GUCY2F: variants seen among roughly 807,000 people sequenced by gnomAD.
The protein encoded by GUCY2F is retinal guanylyl cyclase 2.
GUCY2F carries 61 observed loss-of-function variants against 73.1 expected under a neutral mutation model. The observed-to-expected ratio is 0.83, with a 90% CI of 0.68 to 1.03. The LOEUF (loss-of-function observed/expected upper bound fraction) is 1.03, where lower values mean the gene tolerates loss of function less well. Among genes scored for constraint, GUCY2F ranks in the 50% least tolerant of loss-of-function variants. The pLI is 0.00. For synonymous variants in GUCY2F, 331 were observed against 307.8 expected (o/e 1.08, Z -0.79); for missense variants, 912 against 854.3 (o/e 1.07, Z -0.84).
intron 9 of GUCY2F, among the ~76,000 whole-genome samples, chrX:109,406,067 G>A (rs1036477303): frequency 2.3e-4 from 26 of 111,551 alleles, no homozygotes; most frequent in African/African-American, 8.2e-4. Context: ...CAGTATGCAG[G>A]AAGCCCAAAA....
At chrX:109,385,982 A>G (rs753698312) in intron 15 of GUCY2F, among the ~76,000 whole-genome samples, 5 of 110,692 alleles carry the variant, frequency 4.5e-5, no homozygotes, top group African/African-American at 1.6e-4. Context: ...TTTTCCTAAA[A>G]AGAGATAGGG....
intron 16 of GUCY2F, among the ~76,000 whole-genome samples, chrX:109,384,099 C>T (rs748930518): frequency 8.9e-6 from 1 of 112,397 alleles, no homozygotes; most frequent in Non-Finnish European, 1.9e-5. Context: ...ATACTGCCTC[C>T]TTAATCATGG....
intron 7 of GUCY2F, among the ~76,000 whole-genome samples, chrX:109,435,535 A>G (rs201665368): frequency 0.045 from 4,953 of 110,026 alleles, 302 homozygotes; most frequent in African/African-American, 0.15. Context: ...GGGCTGAGAC[A>G]ATGGGGTTTT....
At chrX:109,453,323 G>A (rs1414561813) in intron 4 of GUCY2F, among the ~76,000 whole-genome samples, 182 bp downstream of exon 4, 1 of 111,620 alleles carries the variant, frequency 9.0e-6, no homozygotes, top group African/African-American at 3.3e-5. Context: ...AGGCTGCAAA[G>A]TACCTCTCAT....
intron 11 of GUCY2F, among the ~76,000 whole-genome samples, chrX:109,397,554 A>G (rs1930738764): frequency 8.9e-6 from 1 of 112,417 alleles, no homozygotes; most frequent in Non-Finnish European, 1.9e-5. Flanking sequence ...CTTACAGAAA[A>G]ATAGTACAAA....
intron 1 of GUCY2F, 77 bp from the exon 2 acceptor site, chrX:109,476,098 C>A (rs867321238): frequency 7.2e-4 from 203 of 281,267 alleles, no homozygotes; most frequent in South Asian, 1.2e-3. Context: ...GAAAGAATGG[C>A]AAAAAAAAAA....
chrX:109,379,001 T>TA (rs1281433502), intron 17 of GUCY2F, among the ~76,000 whole-genome samples: 1 of 111,903 alleles, frequency 8.9e-6, no homozygotes, highest in Non-Finnish European at 1.9e-5. Context: ...GATGAATGGA[T>TA]AAAAAAAATT....
At chrX:109,463,699 A>G (rs1239709584) in intron 3 of GUCY2F, among the ~76,000 whole-genome samples, 1 of 111,014 alleles carries the variant, frequency 9.0e-6, no homozygotes, top group Non-Finnish European at 1.9e-5. Flanking sequence ...AGCCTCCCAA[A>G]GTGCTGGGAT....
At chrX:109,442,063 T>A (rs902464998) in intron 6 of GUCY2F, among the ~76,000 whole-genome samples, 20 of 111,225 alleles carry the variant, frequency 1.8e-4, no homozygotes, top group African/African-American at 6.5e-4. Context: ...CACATGCCTA[T>A]ATATAATTTA....
At chrX:109,474,925 C>T (rs1056687045) in intron 2 of GUCY2F, among the ~76,000 whole-genome samples, 12 of 112,277 alleles carry the variant, frequency 1.1e-4, no homozygotes, top group African/African-American at 3.2e-4. Flanking sequence ...GGATGTATGG[C>T]TACAGTGCTC....
intron 8 of GUCY2F, among the ~76,000 whole-genome samples, chrX:109,411,181 C>T (rs1193599115): frequency 9.4e-6 from 1 of 106,011 alleles, no homozygotes; most frequent in East Asian, 3.0e-4. Context: ...GCTGGTGCCC[C>T]ACCCATATGC....
chrX:109,447,918 A>G, intron 6 of GUCY2F, 151 bp downstream of exon 6: 2 of 283,231 alleles, frequency 7.1e-6, no homozygotes, highest in East Asian at 1.0e-4. Context: ...GATATTTTAC[A>G]TGTTTTTATA....
At chrX:109,462,855 T>C (rs1216297670) in intron 3 of GUCY2F, among the ~76,000 whole-genome samples, 3 of 112,045 alleles carry the variant, frequency 2.7e-5, no homozygotes, top group African/African-American at 9.7e-5. Context: ...TGCTTGCCTA[T>C]AAACACATCA....
At chrX:109,378,282 A>G in intron 17 of GUCY2F, among the ~76,000 whole-genome samples, 1 of 111,696 alleles carries the variant, frequency 9.0e-6, no homozygotes. Flanking sequence ...GGGACTTGAA[A>G]CCAGCTCTAC....
intron 2 of GUCY2F, among the ~76,000 whole-genome samples, chrX:109,468,843 T>C (rs1020616395): frequency 8.9e-6 from 1 of 112,240 alleles, no homozygotes; most frequent in African/African-American, 3.2e-5. Flanking sequence ...AACAGCATCT[T>C]AATTTAATAG....
At chrX:109,375,827 G>C (rs762681453) in intron 19 of GUCY2F, 71 bp downstream of exon 19, 1 of 713,182 alleles carries the variant, frequency 1.4e-6, no homozygotes, top group Non-Finnish European at 2.3e-6. Context: ...ACACTGGCAC[G>C]CATGCCAAAG....
At chrX:109,434,710 G>A (rs12399393) in intron 7 of GUCY2F, among the ~76,000 whole-genome samples, 2,726 of 109,920 alleles carry the variant, frequency 0.025, 33 homozygotes, top group Middle Eastern at 0.11. Context: ...CCATGCCTAT[G>A]TCCTGAATGG....
At chrX:109,428,202 T>C (rs1246170922) in intron 8 of GUCY2F, among the ~76,000 whole-genome samples, 1 of 112,161 alleles carries the variant, frequency 8.9e-6, no homozygotes, top group Non-Finnish European at 1.9e-5. Flanking sequence ...TCTCCCCCAA[T>C]GTTATGTATT....
chrX:109,444,761 C>T (rs190415125), intron 6 of GUCY2F, among the ~76,000 whole-genome samples: 2 of 111,976 alleles, frequency 1.8e-5, no homozygotes, highest in Admixed American at 1.9e-4. Context: ...CCACAAAACG[C>T]AACTACTACT....
Sources: gnomAD v4.1 joint callset for allele counts (sites outside exome capture counted in the v4.1 genomes callset) on GRCh38, gnomAD v4.1.1 for gene constraint, MANE v1.5 for transcripts, NCBI Gene and HGNC (gene_info 2026-07-23, HGNC 2026-07-21) for gene names.